The following SIK3 variants were observed in gnomAD, a reference collection of about 807,000 sequenced individuals.
SIK3 encodes the protein SIK family kinase 3, also known as serine/threonine-protein kinase SIK3.
In SIK3, 28 loss-of-function variants were observed where a neutral mutation model predicts 144.2. The ratio of observed to expected loss-of-function variants is 0.19; its 90% CI spans 0.14 to 0.27. The LOEUF is 0.27. SIK3 is among the 10% of genes least tolerant of loss of function. The pLI is 1.00. For synonymous variants in SIK3, 686 were observed against 676.3 expected (o/e 1.01, Z -0.22); for missense variants, 1,319 against 1,776.0 (o/e 0.74, Z 4.62).
At chr11:116,932,559 C>T (rs1947673630) in intron 3 of SIK3, among the ~76,000 whole-genome samples, 1 of 152,084 alleles carries the variant, frequency 6.6e-6, no homozygotes, top group Non-Finnish European at 1.5e-5. Context: ...CATGTGTAAA[C>T]GGATCTTGCC....
chr11:116,995,939 C>A (rs974947793), intron 1 of SIK3, among the ~76,000 whole-genome samples: 9 of 151,960 alleles, frequency 5.9e-5, no homozygotes, highest in African/African-American at 1.9e-4. Context: ...CATTTGAGCC[C>A]AAGGAGTTCA....
chr11:116,873,428 C>CT, intron 13 of SIK3, 53 bp downstream of exon 13: 1 of 1,613,426 alleles, frequency 6.2e-7, no homozygotes, highest in Non-Finnish European at 8.5e-7. Flanking sequence ...GGCTCACAAC[C>CT]TTTTTATCAA....
At chr11:117,060,033 C>T (rs1953722334) in intron 1 of SIK3, among the ~76,000 whole-genome samples, 1 of 152,176 alleles carries the variant, frequency 6.6e-6, no homozygotes. Flanking sequence ...CATATATCCA[C>T]ACAAAACCTG....
In SIK3 at chr11:116,870,375, G is replaced by A. The variant is rs547692426; in HGVS notation, c.1764C>T (p.Asp588=). Residue 588 remains aspartate (D), a synonymous_variant, in exon 14 of 25, where the codon GAC becomes GAT. Transcript: ENST00000445177. ...TPAVPAVTPV[D]EESSDGEPDQ... ...CTGGCTCCCCGTCTGAGCTCTCCTCGTCCACAGGGGTAACTGCTGGCACTG... is the reference window on the plus strand; with the variant it reads ...CTGGCTCCCCGTCTGAGCTCTCCTCATCCACAGGGGTAACTGCTGGCACTG... 1.9e-6 allele frequency: 3 copies of A among 1,612,588 alleles called. No individual in the cohort carries two copies. The highest frequency in any genetic ancestry group is 2.2e-5 in the East Asian group (1 of 44,876).
intron 3 of SIK3, among the ~76,000 whole-genome samples, chr11:116,936,565 T>C (rs188932669): frequency 1.3e-5 from 2 of 152,302 alleles, no homozygotes; most frequent in East Asian, 3.9e-4. Flanking sequence ...GAAAGAAACT[T>C]TGGAATCATC....
At chr11:116,932,248 A>G (rs1947649048) in intron 3 of SIK3, among the ~76,000 whole-genome samples, 1 of 152,212 alleles carries the variant, frequency 6.6e-6, no homozygotes, top group African/African-American at 2.4e-5. Flanking sequence ...AAGAGCAGCC[A>G]AGGTAGTAAT....
intron 3 of SIK3, among the ~76,000 whole-genome samples, chr11:116,939,903 T>C (rs1400241033): frequency 1.3e-5 from 2 of 152,238 alleles, no homozygotes; most frequent in Non-Finnish European, 2.9e-5. Flanking sequence ...AATTTAGACA[T>C]TTTTCAACTC....
chr11:117,004,839 T>C (rs1396581663), intron 1 of SIK3, among the ~76,000 whole-genome samples: 1 of 152,190 alleles, frequency 6.6e-6, no homozygotes, highest in Non-Finnish European at 1.5e-5. Flanking sequence ...GGAAACAAGG[T>C]TAAAGCCTAT....
At chr11:117,029,782 T>C (rs942602126) in intron 1 of SIK3, among the ~76,000 whole-genome samples, 3 of 151,980 alleles carry the variant, frequency 2.0e-5, no homozygotes, top group African/African-American at 7.3e-5. Flanking sequence ...GGATAATGAG[T>C]TCAGTTTTGG....
intron 1 of SIK3, among the ~76,000 whole-genome samples, chr11:117,020,135 C>T (rs1484061705): frequency 1.3e-5 from 2 of 150,880 alleles, no homozygotes; most frequent in Admixed American, 6.6e-5. Context: ...TTCATTTGCT[C>T]GAAAAAGTAA....
At chr11:117,091,204 T>C (rs111445297) in intron 1 of SIK3, among the ~76,000 whole-genome samples, 1 of 141,294 alleles carries the variant, frequency 7.1e-6, no homozygotes, top group African/African-American at 2.6e-5. Context: ...TTTTTTCTTT[T>C]TTTTTTTTTT....
intron 1 of SIK3, among the ~76,000 whole-genome samples, chr11:117,076,123 A>G (rs1954524423): frequency 6.6e-6 from 1 of 152,090 alleles, no homozygotes. Flanking sequence ...TGCTGGGATT[A>G]CAGGTGTGAG....
intron 6 of SIK3, among the ~76,000 whole-genome samples, chr11:116,886,452 A>C (rs1026653437): frequency 6.6e-6 from 1 of 152,214 alleles, no homozygotes; most frequent in Non-Finnish European, 1.5e-5. Context: ...TTTGCCTCTA[A>C]GTAGAAGCTT....
At chr11:116,863,539 T>C in intron 16 of SIK3, 129 bp downstream of exon 16, 1 of 1,382,852 alleles carries the variant, frequency 7.2e-7, no homozygotes. Flanking sequence ...CAGAAAGCTA[T>C]ACTTTTTTAA....
intron 1 of SIK3, among the ~76,000 whole-genome samples, chr11:117,023,621 A>ATATATACATATATATATATATATATATAT (rs1555131640): frequency 1.0e-5 from 1 of 95,418 alleles, no homozygotes; most frequent in South Asian, 3.7e-4. Flanking sequence ...AAAAAAAAAA[A>ATATATACATATATATATATATATATATAT]ATATATATAT....
At chr11:116,918,513 G>A (rs73590495) in intron 4 of SIK3, among the ~76,000 whole-genome samples, 1,825 of 151,704 alleles carry the variant, frequency 0.012, 52 homozygotes, top group African/African-American at 0.041. Flanking sequence ...AATAAGTGAC[G>A]TGCAATTAAT....
chr11:117,039,278 A>G (rs73594175), intron 1 of SIK3, among the ~76,000 whole-genome samples: 8,583 of 152,264 alleles, frequency 0.056, 523 homozygotes, highest in African/African-American at 0.15. Flanking sequence ...CAATGAAAAA[A>G]TATATTTTTT....
chr11:117,092,466 C>T (rs576538200), intron 1 of SIK3, among the ~76,000 whole-genome samples: 2 of 152,124 alleles, frequency 1.3e-5, no homozygotes, highest in Non-Finnish European at 1.5e-5. Flanking sequence ...AGCAGCCCCC[C>T]CCAGGGATTC....
rs73023071 is a variant in SIK3 at position 116,896,748 on chromosome 11, G to A, written c.742-372C>T. ...AGGAAAGATTTTGCACGAGTAGGCC[G>A]GGTGCAGTGGCTCATGCCTATAATC... On this transcript the variant is annotated intron_variant, in intron 5 of 24. Transcript: ENST00000445177. Among the ~76,000 whole-genome samples the A allele has an allele frequency of 1.3e-3, 192 of 152,302 alleles. 2 individuals carry two copies. Among genetic ancestry groups the A allele is most frequent in the South Asian group, 1.7e-3 (8 of 4,824 alleles).
Sources: allele counts gnomAD v4.1 joint callset (sites outside exome capture counted in the v4.1 genomes callset), GRCh38; gene constraint gnomAD v4.1.1; transcripts MANE v1.5; gene names NCBI Gene and HGNC (gene_info 2026-07-23, HGNC 2026-07-21).